ARHGEF28: variants seen among roughly 807,000 people sequenced by gnomAD.
ARHGEF28 encodes 190 kDa guanine nucleotide exchange factor.
A neutral mutation model predicts 206.6 loss-of-function variants in ARHGEF28; 152 were observed. The ratio of observed to expected loss-of-function variants is 0.74; its 90% CI spans 0.64 to 0.84. The LOEUF (loss-of-function observed/expected upper bound fraction) is 0.84, where lower values mean the gene tolerates loss of function less well. Among genes scored for constraint, ARHGEF28 ranks in the 40% least tolerant of loss-of-function variants. ARHGEF28 has a pLI of 0.00. For synonymous variants in ARHGEF28, 763 were observed against 776.4 expected (o/e 0.98, Z 0.29); for missense variants, 2,028 against 2,073.2 (o/e 0.98, Z 0.42).
At chr5:73,912,466 G>A (rs185190196) in intron 35 of ARHGEF28, among the ~76,000 whole-genome samples, 298 of 152,312 alleles carry the variant, frequency 2.0e-3, no homozygotes, top group Non-Finnish European at 3.5e-3. Context: ...TAATTTTTCA[G>A]CAACAAAAAG....
intron 8 of ARHGEF28, 31 bp from the exon 9 acceptor site, chr5:73,795,300 T>A (rs1241176519): frequency 1.9e-6 from 3 of 1,604,180 alleles, no homozygotes; most frequent in Non-Finnish European, 2.6e-6. Context: ...ATGTAATTTT[T>A]TAAAAATCCA....
At chr5:73,712,469 G>A (rs572730534) in intron 2 of ARHGEF28, among the ~76,000 whole-genome samples, 5 of 152,274 alleles carry the variant, frequency 3.3e-5, no homozygotes, top group Admixed American at 6.5e-5. Flanking sequence ...TAGAGTGCAT[G>A]CTTTCTTCTC....
At chr5:73,667,574 G>T (rs1269165523) in intron 1 of ARHGEF28, among the ~76,000 whole-genome samples, 1 of 152,156 alleles carries the variant, frequency 6.6e-6, no homozygotes, top group Non-Finnish European at 1.5e-5. Context: ...AATAGACTCT[G>T]GCTTCCTTCT....
chr5:73,847,028 T>C (rs988938248), intron 12 of ARHGEF28, among the ~76,000 whole-genome samples: 68 of 152,336 alleles, frequency 4.5e-4, no homozygotes, highest in African/African-American at 1.5e-3. Flanking sequence ...TGCTTGTTTT[T>C]TTGTTATTTA....
At chr5:73,757,125 A>G (rs1742461143) in intron 4 of ARHGEF28, among the ~76,000 whole-genome samples, 3 of 152,126 alleles carry the variant, frequency 2.0e-5, no homozygotes, top group Admixed American at 6.5e-5. Flanking sequence ...AAAACCTCTT[A>G]TGTGCTTATA....
At chr5:73,674,528 G>A (rs1355233350) in intron 1 of ARHGEF28, among the ~76,000 whole-genome samples, 2 of 152,200 alleles carry the variant, frequency 1.3e-5, no homozygotes, top group African/African-American at 4.8e-5. Flanking sequence ...ACGGTATTTT[G>A]ACTTCATTCT....
chr5:73,823,569 A>G (rs1756719661), intron 9 of ARHGEF28, among the ~76,000 whole-genome samples: 1 of 152,208 alleles, frequency 6.6e-6, no homozygotes, highest in South Asian at 2.1e-4. Flanking sequence ...CTTAAACAAA[A>G]TGAGATAATG....
chr5:73,678,389 G>C (rs546748828), intron 1 of ARHGEF28, among the ~76,000 whole-genome samples: 2 of 152,250 alleles, frequency 1.3e-5, no homozygotes, highest in East Asian at 1.9e-4. Flanking sequence ...GCAAATGGTA[G>C]AGTAATGAAT....
chr5:73,769,465 T>C (rs1049871423), intron 4 of ARHGEF28, among the ~76,000 whole-genome samples: 1 of 152,246 alleles, frequency 6.6e-6, no homozygotes, highest in Non-Finnish European at 1.5e-5. Context: ...AAACATATCC[T>C]GTGTATTTTG....
chr5:73,923,549 G>C (rs1763638183), intron 35 of ARHGEF28, among the ~76,000 whole-genome samples: 1 of 152,188 alleles, frequency 6.6e-6, no homozygotes, highest in East Asian at 1.9e-4. Flanking sequence ...TGTCAGGTAA[G>C]AGATACAGAT....
At chr5:73,836,661 T>G (rs1396486627) in intron 10 of ARHGEF28, among the ~76,000 whole-genome samples, 1 of 152,196 alleles carries the variant, frequency 6.6e-6, no homozygotes, top group Non-Finnish European at 1.5e-5. Flanking sequence ...ATTTTTTGGT[T>G]TGGTGTAGTC....
chr5:73,742,245 A>T (rs557308752), intron 2 of ARHGEF28, among the ~76,000 whole-genome samples: 6 of 151,994 alleles, frequency 3.9e-5, no homozygotes, highest in East Asian at 1.9e-4. Flanking sequence ...TTTTTAGATT[A>T]AAAAAAATCC....
intron 33 of ARHGEF28, 148 bp from the exon 34 acceptor site, chr5:73,909,264 T>A: frequency 8.2e-7 from 1 of 1,224,022 alleles, no homozygotes; most frequent in Non-Finnish European, 1.1e-6. Context: ...AAACCTTGCC[T>A]TTGGAGGTAA....
intron 35 of ARHGEF28, among the ~76,000 whole-genome samples, chr5:73,932,858 G>C (rs1055094307): frequency 3.2e-5 from 4 of 124,876 alleles, no homozygotes; most frequent in Admixed American, 2.9e-4. Flanking sequence ...GCCCAGGCTG[G>C]AGTGCAGTGG....
chr5:73,843,718 A>G (rs1241558112), intron 11 of ARHGEF28, among the ~76,000 whole-genome samples: 1 of 152,230 alleles, frequency 6.6e-6, no homozygotes, highest in Non-Finnish European at 1.5e-5. Context: ...CCATTATGTT[A>G]TATTATTTAA....
In ARHGEF28 at chr5:73,671,425, T is replaced by C. The variant is rs142561328; in HGVS notation, c.-11-13416T>C. 7.1e-3 allele frequency among the ~76,000 whole-genome samples: 1,075 copies of C among 152,200 alleles called. 12 individuals are homozygous for C. The highest frequency in any genetic ancestry group is 0.025 in the African/African-American group (1,025 of 41,528). ...ATCTTTTCATACTGAACTCAGACTT[T>C]TAGGTATCAGCAAATGAATGAACTT... is the stretch of plus-strand genomic sequence containing the variant. On this transcript the variant is annotated intron_variant, in intron 1 of 35. Transcript: ENST00000513042.
chr5:73,880,433 A>G lies in ARHGEF28; in HGVS notation c.2815-2039A>G, dbSNP rs1471500221. 3.9e-5 allele frequency among the ~76,000 whole-genome samples: 6 copies of G among 152,178 alleles called. No individual in the cohort carries two copies. In the East Asian group the frequency reaches 7.8e-4, roughly 20 times the overall value. On this transcript the variant is annotated intron_variant, in intron 22 of 35. Coordinates refer to ENST00000513042, the MANE Select transcript of ARHGEF28 (RefSeq NM_001177693.2). ...AGCTCACGCATGGTGTGCTGCACCC[A>G]CTGTCCTGCGCCCACTGTCTGGCAC...
intron 14 of ARHGEF28, among the ~76,000 whole-genome samples, chr5:73,856,376 A>T (rs1421044469): frequency 6.6e-6 from 1 of 152,142 alleles, no homozygotes; most frequent in Non-Finnish European, 1.5e-5. Context: ...AGCAAACCCA[A>T]TTTCATTTAC....
At chr5:73,882,635 A>G (rs538258719) in intron 23 of ARHGEF28, 41 bp downstream of exon 23, 101 of 1,414,968 alleles carry the variant, frequency 7.1e-5, no homozygotes, top group Middle Eastern at 1.8e-4. Flanking sequence ...ATAAATCAGC[A>G]TGGAGAAATA....
Sources: allele counts gnomAD v4.1 joint callset (sites outside exome capture counted in the v4.1 genomes callset), GRCh38; gene constraint gnomAD v4.1.1; transcripts MANE v1.5; gene names NCBI Gene and HGNC (gene_info 2026-07-23, HGNC 2026-07-21).